Variants in EYA1 observed in about 807,000 individuals in gnomAD.
EYA1 encodes protein phosphatase EYA1.
EYA1 carries 16 observed loss-of-function variants against 82.0 expected under a neutral mutation model. The ratio of observed to expected loss-of-function variants is 0.20; its 90% CI spans 0.13 to 0.30. EYA1 has a LOEUF of 0.30. EYA1 is among the 10% of genes least tolerant of loss of function. EYA1 has a pLI of 1.00. For synonymous variants in EYA1, 261 were observed against 264.4 expected, an observed-to-expected ratio of 0.99 and a Z score of 0.12; for missense variants, 633 against 730.7, an observed-to-expected ratio of 0.87 and a Z score of 1.54.
chr8:71,333,998 CACATATACATGTAT>C lies in EYA1; in HGVS notation c.202+85_202+98del. 16 of 827,782 alleles carry C rather than the reference CACATATACATGTAT, an allele frequency of 1.9e-5. No homozygotes were observed. The South Asian group carries it at 2.1e-4, about 11-fold the overall frequency. 51.3% of individuals were successfully genotyped at this position (827,782 alleles called of 1,614,324 possible). A position where few individuals can be genotyped will look rare whatever the true frequency, so the allele number is the denominator to read the frequency against. Reference sequence around the variant, plus strand: ...AAGTACGTATATACCCACATATATACACATATACATGTATACATATACATACACAGGGACATTAC... The same window carrying C: ...AAGTACGTATATACCCACATATATACACATATACATACACAGGGACATTAC... On this transcript the variant is annotated intron_variant, in intron 4 of 17. Coordinates refer to ENST00000340726, the MANE Select transcript of EYA1 (RefSeq NM_000503.6).
chr8:71,311,532 G>A (rs1007433946), intron 7 of EYA1, among the ~76,000 whole-genome samples: 14 of 152,198 alleles, frequency 9.2e-5, no homozygotes, highest in Non-Finnish European at 2.1e-4. Context: ...TAACTCATCT[G>A]CATCAGCTTT....
At chr8:71,301,017 T>C (rs1355761673) in intron 7 of EYA1, among the ~76,000 whole-genome samples, 1 of 152,182 alleles carries the variant, frequency 6.6e-6, no homozygotes, top group African/African-American at 2.4e-5. Flanking sequence ...GTTGCTTCTA[T>C]AATTAGAAAT....
chr8:71,359,284 T>C (rs1827169618), intron 1 of EYA1, among the ~76,000 whole-genome samples: 1 of 152,194 alleles, frequency 6.6e-6, no homozygotes, highest in Non-Finnish European at 1.5e-5. Flanking sequence ...TTTGTTGATA[T>C]TCAATTTGTC....
chr8:71,416,192 C>T (rs143505333), intron 2 of EYA1, among the ~76,000 whole-genome samples: 241 of 152,332 alleles, frequency 1.6e-3, no homozygotes, highest in African/African-American at 5.6e-3. Flanking sequence ...CTGCTCCCTC[C>T]TGCTTTCTGC....
intron 2 of EYA1, among the ~76,000 whole-genome samples, chr8:71,379,294 G>C (rs1828557500): frequency 6.6e-6 from 1 of 152,014 alleles, no homozygotes; most frequent in African/African-American, 2.4e-5. Context: ...GATTTAGCTG[G>C]ATGAATACAT....
At chr8:71,211,779 T>C (rs1808545029) in intron 16 of EYA1, among the ~76,000 whole-genome samples, 1 of 152,236 alleles carries the variant, frequency 6.6e-6, no homozygotes, top group Admixed American at 6.5e-5. Flanking sequence ...CGGAATTAGC[T>C]TATTCCTTCA....
At chr8:71,515,781 C>A (rs746050968) in intron 2 of EYA1, among the ~76,000 whole-genome samples, 3 of 152,140 alleles carry the variant, frequency 2.0e-5, no homozygotes, top group Non-Finnish European at 2.9e-5. Flanking sequence ...AAAACTATAA[C>A]TGTATATTCT....
chr8:71,514,742 G>A (rs1409020159), intron 2 of EYA1, among the ~76,000 whole-genome samples: 1 of 152,080 alleles, frequency 6.6e-6, no homozygotes, highest in Non-Finnish European at 1.5e-5. Flanking sequence ...CACAACACGT[G>A]GGAATTCTGA....
chr8:71,441,130 C>T (rs1434527704), intron 2 of EYA1, among the ~76,000 whole-genome samples: 3 of 152,136 alleles, frequency 2.0e-5, no homozygotes, highest in Non-Finnish European at 1.5e-5. Context: ...GAAATTGTAA[C>T]ATAATAGTCA....
intron 11 of EYA1, among the ~76,000 whole-genome samples, chr8:71,259,215 C>T (rs2128928792): frequency 6.6e-6 from 1 of 152,268 alleles, no homozygotes; most frequent in African/African-American, 2.4e-5. Context: ...CTTGGTACCA[C>T]TAAGGACTTT....
intron 2 of EYA1, among the ~76,000 whole-genome samples, chr8:71,394,363 G>A (rs1300253867): frequency 6.6e-6 from 1 of 152,124 alleles, no homozygotes; most frequent in Non-Finnish European, 1.5e-5. Flanking sequence ...TGAAGCCCTT[G>A]CCCATGCCTA....
intron 17 of EYA1, chr8:71,204,357 G>A (rs1807464618): frequency 6.6e-6 from 1 of 152,194 alleles, no homozygotes; most frequent in African/African-American, 2.4e-5. Context: ...ATATATGTAA[G>A]CAGAATTTTG....
chr8:71,461,583 C>G (rs777941265), intron 2 of EYA1, among the ~76,000 whole-genome samples: 36 of 152,208 alleles, frequency 2.4e-4, no homozygotes, highest in Non-Finnish European at 3.5e-4. Context: ...TTCTCTCCTT[C>G]TCTTTGCCAG....
At chr8:71,294,514 A>G (rs1819388253) in intron 9 of EYA1, among the ~76,000 whole-genome samples, 1 of 151,986 alleles carries the variant, frequency 6.6e-6, no homozygotes, top group African/African-American at 2.4e-5. Context: ...AGAGAGGGAA[A>G]GAGAGAGAGA....
At chr8:71,324,949 C>A (rs983337558) in intron 4 of EYA1, among the ~76,000 whole-genome samples, 3 of 152,320 alleles carry the variant, frequency 2.0e-5, no homozygotes, top group African/African-American at 7.2e-5. Context: ...CCCTTTGTCC[C>A]ACTCAGAGAT....
intron 2 of EYA1, among the ~76,000 whole-genome samples, chr8:71,406,593 C>T (rs189247029): frequency 6.6e-6 from 1 of 152,152 alleles, no homozygotes; most frequent in African/African-American, 2.4e-5. Context: ...TTCCCTTTCC[C>T]AGTCAAAGAA....
At position 71,263,972 on chromosome 8, in the gene EYA1, C is replaced by T. The variant is rs984534682; in HGVS notation, c.1050+5768G>A. 2.0e-5 allele frequency among the ~76,000 whole-genome samples: 3 copies of T among 152,276 alleles called. No homozygotes were observed. In the East Asian group the frequency reaches 5.8e-4, roughly 29 times the overall value. ...CAATCAAGTTTCATTGGAACACAGCCACATTTATTCATTGGTTGCTTTTGC... is the reference window on the plus strand; with the variant it reads ...CAATCAAGTTTCATTGGAACACAGCTACATTTATTCATTGGTTGCTTTTGC... On this transcript the variant is annotated intron_variant, in intron 11 of 17. Transcript: ENST00000340726.
chr8:71,268,285 G>A (rs1816112650), intron 11 of EYA1, among the ~76,000 whole-genome samples: 1 of 152,172 alleles, frequency 6.6e-6, no homozygotes, highest in African/African-American at 2.4e-5. Context: ...TCTTGTGTGA[G>A]TTACAGGCAC....
At chr8:71,213,967 G>T (rs767100139) in intron 16 of EYA1, among the ~76,000 whole-genome samples, 3 of 152,152 alleles carry the variant, frequency 2.0e-5, no homozygotes, top group Non-Finnish European at 4.4e-5. Flanking sequence ...CAGTCCTCAA[G>T]ATTATTACAG....
Sources: gnomAD v4.1 joint callset for allele counts (sites outside exome capture counted in the v4.1 genomes callset) on GRCh38, gnomAD v4.1.1 for gene constraint, MANE v1.5 for transcripts, NCBI Gene and HGNC (gene_info 2026-07-23, HGNC 2026-07-21) for gene names.